Variants in CSMD1 observed in about 807,000 individuals in gnomAD.
The protein encoded by CSMD1 is CUB and sushi domain-containing protein 1.
A neutral mutation model predicts 417.5 loss-of-function variants in CSMD1; 213 were observed. The observed-to-expected ratio is 0.51, with a 90% CI of 0.46 to 0.57. CSMD1 has a LOEUF of 0.57. CSMD1 is among the 20% of genes least tolerant of loss of function. The pLI is 0.00. For synonymous variants in CSMD1, 2,862 were observed against 1,736.8 expected (o/e 1.65, Z -16.11); for missense variants, 6,923 against 4,529.7 (o/e 1.53, Z -15.17).
Position 4,235,131 on chromosome 8 carries a change from A to G in CSMD1, c.415+184822T>C, listed in dbSNP as rs544065517. On this transcript the variant is annotated intron_variant, in intron 3 of 69. Transcript: ENST00000635120. Reference sequence around the variant, plus strand: ...TTATGTTGCTTTAATCCTAGAAAAAAGACTTCCTCCGTCTCCACCCACAGT... The same window carrying G: ...TTATGTTGCTTTAATCCTAGAAAAAGGACTTCCTCCGTCTCCACCCACAGT... 1.2e-3 allele frequency among the ~76,000 whole-genome samples: 186 copies of G among 152,274 alleles called. 1 individual carries two copies. Among genetic ancestry groups the G allele is most frequent in the African/African-American group, 4.3e-3 (177 of 41,550 alleles).
chr8:3,924,766 T>C (rs1343703474), intron 5 of CSMD1, among the ~76,000 whole-genome samples: 1 of 141,896 alleles, frequency 7.0e-6, no homozygotes, highest in African/African-American at 2.4e-5. Context: ...TATCTTGTTT[T>C]TCTGGTACTC....
rs759810425 is a variant in CSMD1, at chr8:2,961,128, C to T, written c.9702+13G>A. ...TTCCAGAAAGAAAACATAGTAAATTCATAATGAACTACCTCATAGCCTCTG... is the reference window on the plus strand; with the variant it reads ...TTCCAGAAAGAAAACATAGTAAATTTATAATGAACTACCTCATAGCCTCTG... On this transcript the variant is annotated intron_variant, in intron 62 of 69. Transcript: ENST00000635120. 6.7e-7 allele frequency: 1 copy of T among 1,503,142 alleles called. No homozygotes were observed. The allele number at this position is 1,503,142 out of a possible 1,614,324, so 93.1% of individuals were successfully genotyped here. A position where few individuals can be genotyped will look rare whatever the true frequency, so the allele number is the denominator to read the frequency against.
intron 34 of CSMD1, 92 bp downstream of exon 34, chr8:3,189,820 T>C: frequency 8.3e-7 from 1 of 1,201,170 alleles, no homozygotes; most frequent in Non-Finnish European, 1.2e-6. Flanking sequence ...ATGAGCCAGA[T>C]GGATTTACGT....
intron 1 of CSMD1, among the ~76,000 whole-genome samples, chr8:4,905,842 AG>A (rs1805232276): frequency 6.7e-6 from 1 of 148,376 alleles, no homozygotes; most frequent in Non-Finnish European, 1.5e-5. Flanking sequence ...AAAGAAAAAA[AG>A]AAAAAGTAAA....
At chr8:4,169,915 T>C (rs1797672596) in intron 3 of CSMD1, among the ~76,000 whole-genome samples, 1 of 152,002 alleles carries the variant, frequency 6.6e-6, no homozygotes, top group Non-Finnish European at 1.5e-5. Context: ...CCACTATTAT[T>C]ATAGAACGTA....
At chr8:3,294,625 C>G (rs190700130) in intron 25 of CSMD1, among the ~76,000 whole-genome samples, 1 of 152,170 alleles carries the variant, frequency 6.6e-6, no homozygotes, top group East Asian at 1.9e-4. Flanking sequence ...GAGTCATGCA[C>G]GGGATATAAT....
chr8:3,985,217 G>T (rs766556159), intron 5 of CSMD1, among the ~76,000 whole-genome samples: 3 of 152,148 alleles, frequency 2.0e-5, no homozygotes. Context: ...TATCTGAGAA[G>T]CATTGACGGG....
chr8:4,711,162 A>C (rs1281958749), intron 1 of CSMD1, among the ~76,000 whole-genome samples: 1 of 152,040 alleles, frequency 6.6e-6, no homozygotes, highest in Admixed American at 6.5e-5. Flanking sequence ...TTCTCACAAA[A>C]AAAAAAAACC....
intron 6 of CSMD1, among the ~76,000 whole-genome samples, chr8:3,738,296 G>C (rs1796625829): frequency 6.6e-6 from 1 of 152,174 alleles, no homozygotes; most frequent in South Asian, 2.1e-4. Flanking sequence ...AGAAGTCTTA[G>C]ATATTTGTAT....
chr8:3,665,525 T>C (rs968809538), intron 7 of CSMD1, among the ~76,000 whole-genome samples: 2 of 152,118 alleles, frequency 1.3e-5, no homozygotes, highest in Non-Finnish European at 2.9e-5. Flanking sequence ...CGAGACTCCA[T>C]CTCAAAGATA....
At chr8:4,539,976 G>C (rs1218988994) in intron 2 of CSMD1, among the ~76,000 whole-genome samples, 1 of 152,162 alleles carries the variant, frequency 6.6e-6, no homozygotes, top group Non-Finnish European at 1.5e-5. Flanking sequence ...GCTGCCTGCA[G>C]ATGCCCATGG....
intron 4 of CSMD1, among the ~76,000 whole-genome samples, chr8:4,018,178 A>G (rs1796614345): frequency 1.3e-5 from 2 of 152,298 alleles, no homozygotes; most frequent in Admixed American, 1.3e-4. Flanking sequence ...AAAAATAAAT[A>G]CACATCTTTT....
At chr8:3,880,565 T>A (rs746734923) in intron 5 of CSMD1, among the ~76,000 whole-genome samples, 1 of 152,212 alleles carries the variant, frequency 6.6e-6, no homozygotes. Context: ...GCATTGTGAA[T>A]AGCCAGTTAT....
At chr8:3,024,499 G>A (rs952024459) in intron 51 of CSMD1, among the ~76,000 whole-genome samples, 6 of 152,058 alleles carry the variant, frequency 3.9e-5, no homozygotes, top group Non-Finnish European at 7.4e-5. Context: ...TAGAGACAGG[G>A]TTTCACCATG....
chr8:3,960,421 T>A (rs1378970451), intron 5 of CSMD1, among the ~76,000 whole-genome samples: 1 of 152,136 alleles, frequency 6.6e-6, no homozygotes, highest in Non-Finnish European at 1.5e-5. Flanking sequence ...GACTAGATAG[T>A]CCCTCAATGC....
intron 1 of CSMD1, among the ~76,000 whole-genome samples, chr8:4,966,189 G>T (rs1393089701): frequency 7.7e-6 from 1 of 130,166 alleles, no homozygotes; most frequent in East Asian, 2.4e-4. Flanking sequence ...CATAGTGGAA[G>T]CCCGTCTCTA....
intron 5 of CSMD1, among the ~76,000 whole-genome samples, chr8:3,762,671 T>G (rs1798075210): frequency 6.6e-6 from 1 of 152,184 alleles, no homozygotes; most frequent in East Asian, 1.9e-4. Context: ...ACAGGCACAC[T>G]GGTGCCCAGA....
chr8:3,632,840 G>A (rs968860651), intron 7 of CSMD1, among the ~76,000 whole-genome samples: 1 of 152,170 alleles, frequency 6.6e-6, no homozygotes, highest in Non-Finnish European at 1.5e-5. Context: ...CCCCTTCAGA[G>A]ATTATGTTCC....
At chr8:3,472,842 T>A (rs1186999221) in intron 11 of CSMD1, among the ~76,000 whole-genome samples, 1 of 152,090 alleles carries the variant, frequency 6.6e-6, no homozygotes, top group African/African-American at 2.4e-5. Flanking sequence ...GTTTTTTTTT[T>A]ATTCTTTTCA....
Sources: gnomAD v4.1 joint callset for allele counts (sites outside exome capture counted in the v4.1 genomes callset) on GRCh38, gnomAD v4.1.1 for gene constraint, MANE v1.5 for transcripts, NCBI Gene and HGNC (gene_info 2026-07-23, HGNC 2026-07-21) for gene names.